MECOM: variants seen among roughly 807,000 people sequenced by gnomAD.
The protein encoded by MECOM is histone-lysine N-methyltransferase MECOM.
Under a neutral mutation model 116.3 loss-of-function variants are expected in MECOM, and 13 were observed. That is an observed-to-expected ratio of 0.11 (90% CI 0.07 to 0.18). MECOM has a LOEUF of 0.18. Among genes scored for constraint, MECOM ranks in the 10% least tolerant of loss-of-function variants. The probability of loss-of-function intolerance (pLI) is 1.00; values close to 1 mark genes in which losing one functional copy is unlikely to be tolerated. For missense variants in MECOM, 1,299 were observed against 1,509.0 expected (o/e 0.86, Z 2.31); for synonymous variants, 528 against 535.2 (o/e 0.99, Z 0.19).
At chr3:169,141,635 T>G (rs1738137066) in intron 3 of MECOM, among the ~76,000 whole-genome samples, 1 of 152,054 alleles carries the variant, frequency 6.6e-6, no homozygotes, top group African/African-American at 2.4e-5. Flanking sequence ...CATATGTGCT[T>G]ATAGGTGAAT....
chr3:169,406,838 T>C (rs977816385), intron 1 of MECOM, among the ~76,000 whole-genome samples: 5 of 141,338 alleles, frequency 3.5e-5, no homozygotes, highest in South Asian at 4.6e-4. Context: ...ATTTGGTTAC[T>C]GTTTTTTTTT....
intron 2 of MECOM, among the ~76,000 whole-genome samples, chr3:169,173,479 A>G (rs1235585845): frequency 6.6e-6 from 1 of 152,166 alleles, no homozygotes; most frequent in Admixed American, 6.5e-5. Context: ...GTTGTCCCAG[A>G]GGCATCTTAA....
chr3:169,383,187 A>G (rs1732767793), intron 1 of MECOM, among the ~76,000 whole-genome samples: 1 of 152,204 alleles, frequency 6.6e-6, no homozygotes. Context: ...GTAAAGTGAT[A>G]GCACATGCAA....
chr3:169,187,720 G>T (rs1320697170), intron 2 of MECOM, among the ~76,000 whole-genome samples: 2 of 152,060 alleles, frequency 1.3e-5, no homozygotes, highest in Non-Finnish European at 2.9e-5. Flanking sequence ...AAATGAAATG[G>T]AACAAGAGAC....
intron 1 of MECOM, among the ~76,000 whole-genome samples, chr3:169,662,019 C>A (rs1172316722): frequency 2.6e-5 from 4 of 152,222 alleles, no homozygotes; most frequent in Non-Finnish European, 5.9e-5. Context: ...TCCCTGAGTC[C>A]CCTTCAACTC....
chr3:169,645,570 A>T (rs759628702), intron 1 of MECOM, among the ~76,000 whole-genome samples: 7 of 152,230 alleles, frequency 4.6e-5, no homozygotes, highest in Non-Finnish European at 1.0e-4. Context: ...GAGCTTCTGG[A>T]TTCTCCACAA....
chr3:169,393,308 A>T (rs1404594687), intron 1 of MECOM, among the ~76,000 whole-genome samples: 1 of 152,164 alleles, frequency 6.6e-6, no homozygotes, highest in African/African-American at 2.4e-5. Context: ...CTGGAGTAGG[A>T]GTTCTTAGAG....
intron 2 of MECOM, among the ~76,000 whole-genome samples, chr3:169,201,227 G>A (rs1192599922): frequency 6.6e-6 from 1 of 151,574 alleles, no homozygotes; most frequent in Non-Finnish European, 1.5e-5. Flanking sequence ...ACATTTGATT[G>A]TGGCATATTC....
At chr3:169,469,795 T>G (rs912427987) in intron 1 of MECOM, among the ~76,000 whole-genome samples, 4 of 152,220 alleles carry the variant, frequency 2.6e-5, no homozygotes, top group Non-Finnish European at 5.9e-5. Context: ...GTTTTGACTC[T>G]TTTTCTTGCA....
At chr3:169,224,114 TA>T (rs1752447348) in intron 2 of MECOM, among the ~76,000 whole-genome samples, 1 of 152,086 alleles carries the variant, frequency 6.6e-6, no homozygotes, top group South Asian at 2.1e-4. Context: ...GTATCGATAC[TA>T]AGGAGTATGA....
At chr3:169,483,196 ATTTTTATT>A (rs1468355709) in intron 1 of MECOM, among the ~76,000 whole-genome samples, 19 of 104,774 alleles carry the variant, frequency 1.8e-4, no homozygotes, top group East Asian at 1.5e-3. Flanking sequence ...TTTTATTTTT[ATTTTTATT>A]TTTTTTTTTT....
chr3:169,394,239 A>C (rs1012383123), intron 1 of MECOM, among the ~76,000 whole-genome samples: 1 of 152,194 alleles, frequency 6.6e-6, no homozygotes, highest in Non-Finnish European at 1.5e-5. Context: ...TTCTACATGT[A>C]AATCACCATG....
At chr3:169,392,755 A>G (rs1297690220) in intron 1 of MECOM, among the ~76,000 whole-genome samples, 2 of 152,178 alleles carry the variant, frequency 1.3e-5, no homozygotes, top group African/African-American at 4.8e-5. Context: ...CTCTATCCTT[A>G]AGTTTGCTAG....
At chr3:169,112,704 G>A in intron 9 of MECOM, 83 bp downstream of exon 9, 1 of 1,025,422 alleles carries the variant, frequency 9.8e-7, no homozygotes, top group Non-Finnish European at 1.5e-6. Context: ...ATGTTCTCAA[G>A]ATGTCTTTCA....
At chr3:169,659,311 T>A (rs2110123530) in intron 1 of MECOM, among the ~76,000 whole-genome samples, 1 of 152,002 alleles carries the variant, frequency 6.6e-6, no homozygotes, top group East Asian at 1.9e-4. Context: ...AACTCTGCAG[T>A]CCCTACAAAT....
intron 1 of MECOM, among the ~76,000 whole-genome samples, chr3:169,471,060 T>C (rs543576618): frequency 2.0e-5 from 3 of 151,944 alleles, no homozygotes; most frequent in Non-Finnish European, 1.5e-5. Flanking sequence ...CCACACAACT[T>C]CCCCAATACC....
At chr3:169,135,934 G>A (rs946080117) in intron 3 of MECOM, among the ~76,000 whole-genome samples, 1 of 151,736 alleles carries the variant, frequency 6.6e-6, no homozygotes, top group Non-Finnish European at 1.5e-5. Context: ...AATGATTCAA[G>A]TAGTTGAAAA....
At chr3:169,477,460 G>A (rs1256616232) in intron 1 of MECOM, among the ~76,000 whole-genome samples, 2 of 151,974 alleles carry the variant, frequency 1.3e-5, no homozygotes, top group Admixed American at 6.6e-5. Flanking sequence ...TCTGAGTCCC[G>A]AAGTCAAGAT....
chr3:169,518,345 G>T (rs1756948281), intron 1 of MECOM, among the ~76,000 whole-genome samples: 1 of 152,088 alleles, frequency 6.6e-6, no homozygotes, highest in African/African-American at 2.4e-5. Flanking sequence ...AGATTCCTGG[G>T]GGAAGGGGAG....
Sources: gnomAD v4.1 joint callset for allele counts (sites outside exome capture counted in the v4.1 genomes callset) on GRCh38, gnomAD v4.1.1 for gene constraint, MANE v1.5 for transcripts, NCBI Gene and HGNC (gene_info 2026-07-23, HGNC 2026-07-21) for gene names.